Variants in RALYL observed in about 807,000 individuals in gnomAD.
RALYL encodes the protein RNA-binding Raly-like protein.
In RALYL, 29 loss-of-function variants were observed where a neutral mutation model predicts 35.1. The ratio of observed to expected loss-of-function variants is 0.83; its 90% CI spans 0.61 to 1.13. RALYL has a LOEUF of 1.13. Among genes scored for constraint, RALYL ranks in the 50% most tolerant of loss-of-function variants. RALYL has a pLI of 0.00. For synonymous variants in RALYL, 120 were observed against 127.6 expected (o/e 0.94, Z 0.40); for missense variants, 359 against 360.4 (o/e 1.00, Z 0.03).
At chr8:84,622,289 C>G (rs769234709) in intron 2 of RALYL, among the ~76,000 whole-genome samples, 1 of 152,064 alleles carries the variant, frequency 6.6e-6, no homozygotes, top group Admixed American at 6.5e-5. Context: ...GCATGAAGGG[C>G]TTGTTAAAAT....
chr8:84,352,100 A>C (rs1028347512), intron 1 of RALYL, among the ~76,000 whole-genome samples: 6 of 150,570 alleles, frequency 4.0e-5, no homozygotes, highest in African/African-American at 1.5e-4. Context: ...TGCCCAATTA[A>C]GAAATTTTTA....
chr8:84,448,163 A>G (rs1162369622), intron 1 of RALYL, among the ~76,000 whole-genome samples: 1 of 151,914 alleles, frequency 6.6e-6, no homozygotes, highest in Non-Finnish European at 1.5e-5. Context: ...GGCCTCTCAT[A>G]TTATCTTTAT....
chr8:84,311,781 C>A (rs1842867212), intron 1 of RALYL, among the ~76,000 whole-genome samples: 1 of 152,078 alleles, frequency 6.6e-6, no homozygotes, highest in South Asian at 2.1e-4. Flanking sequence ...TACAATATTT[C>A]AATCATTTAA....
chr8:84,452,868 T>C (rs968292048), intron 1 of RALYL, among the ~76,000 whole-genome samples: 1 of 151,968 alleles, frequency 6.6e-6, no homozygotes, highest in African/African-American at 2.4e-5. Flanking sequence ...TGTATATTTA[T>C]GATTAAGATG....
chr8:84,590,659 T>A (rs1813033468), intron 2 of RALYL, among the ~76,000 whole-genome samples: 1 of 152,200 alleles, frequency 6.6e-6, no homozygotes, highest in Non-Finnish European at 1.5e-5. Flanking sequence ...AATAGCATGT[T>A]AACAACCAGA....
intron 2 of RALYL, among the ~76,000 whole-genome samples, chr8:84,592,826 T>C (rs538993597): frequency 6.6e-6 from 1 of 152,174 alleles, no homozygotes; most frequent in South Asian, 2.1e-4. Flanking sequence ...TTAAATTTAT[T>C]AGTTCTGCCT....
chr8:84,427,228 G>A (rs1025532465), intron 1 of RALYL, among the ~76,000 whole-genome samples: 3 of 152,178 alleles, frequency 2.0e-5, no homozygotes, highest in African/African-American at 7.2e-5. Flanking sequence ...ATCATCGTTT[G>A]CCTCAGCTAT....
intron 1 of RALYL, among the ~76,000 whole-genome samples, chr8:84,432,002 A>C (rs1359923932): frequency 6.6e-6 from 1 of 152,164 alleles, no homozygotes; most frequent in Non-Finnish European, 1.5e-5. Context: ...ATTCTGTAGC[A>C]GCTATGGAAA....
intron 3 of RALYL, among the ~76,000 whole-genome samples, chr8:84,783,560 C>T (rs971615509): frequency 6.6e-6 from 1 of 152,102 alleles, no homozygotes; most frequent in African/African-American, 2.4e-5. Context: ...AGGTAATTGA[C>T]TTTATGCAAA....
Position 84,476,804 on chromosome 8 carries a change from A to G in RALYL, c.-23-52495A>G, listed in dbSNP as rs534832227. Among the ~76,000 whole-genome samples the G allele has an allele frequency of 2.0e-4, 31 of 152,338 alleles. No individual in the cohort carries two copies. In the East Asian group the frequency reaches 5.6e-3, roughly 27 times the overall value. ...CAGCAGATGCGGAAAGGAGCACAACATTAAGGAGAAGTTTTAATTCAATTG... is the reference window on the plus strand; with the variant it reads ...CAGCAGATGCGGAAAGGAGCACAACGTTAAGGAGAAGTTTTAATTCAATTG... On this transcript the variant is annotated intron_variant, in intron 1 of 8. Transcript: ENST00000521268.
At chr8:84,797,994 T>A (rs554600326) in intron 3 of RALYL, among the ~76,000 whole-genome samples, 1 of 152,184 alleles carries the variant, frequency 6.6e-6, no homozygotes, top group Admixed American at 6.5e-5. Flanking sequence ...CCAGAACAGA[T>A]CTTCTGCCCC....
chr8:84,543,026 G>T (rs2060120289), intron 2 of RALYL, among the ~76,000 whole-genome samples: 2 of 151,904 alleles, frequency 1.3e-5, no homozygotes, highest in African/African-American at 4.8e-5. Flanking sequence ...CTATATAATT[G>T]TACAGGTCTA....
intron 1 of RALYL, among the ~76,000 whole-genome samples, chr8:84,480,021 T>A (rs1399357145): frequency 6.6e-6 from 1 of 152,146 alleles, no homozygotes; most frequent in Non-Finnish European, 1.5e-5. Flanking sequence ...ATAGGCTAAT[T>A]TAATCTTGCT....
intron 5 of RALYL, among the ~76,000 whole-genome samples, chr8:84,856,504 G>A (rs146738320): frequency 4.1e-4 from 63 of 152,250 alleles, no homozygotes; most frequent in African/African-American, 1.5e-3. Flanking sequence ...AAGTATTTCC[G>A]TGTGATCCAA....
At chr8:84,306,237 G>A (rs1463900313) in intron 1 of RALYL, among the ~76,000 whole-genome samples, 2 of 151,888 alleles carry the variant, frequency 1.3e-5, no homozygotes, top group Non-Finnish European at 2.9e-5. Flanking sequence ...ATAAGTCTCA[G>A]GTACCTATGA....
At chr8:84,704,286 G>A (rs775916904) in intron 2 of RALYL, among the ~76,000 whole-genome samples, 7 of 151,966 alleles carry the variant, frequency 4.6e-5, no homozygotes, top group African/African-American at 9.7e-5. Flanking sequence ...TTAGCTGGGC[G>A]TGGTGGCAGG....
chr8:84,241,509 G>A (rs1827867280), intron 1 of RALYL, among the ~76,000 whole-genome samples: 1 of 151,986 alleles, frequency 6.6e-6, no homozygotes, highest in Admixed American at 6.6e-5. Flanking sequence ...CTGGCGCGGT[G>A]GCTCATGCCT....
chr8:84,375,033 C>T (rs1427939830), intron 1 of RALYL, among the ~76,000 whole-genome samples: 2 of 151,690 alleles, frequency 1.3e-5, no homozygotes, highest in African/African-American at 4.8e-5. Context: ...AAAATTTTTA[C>T]ATTTTTAATT....
At chr8:84,903,581 C>T (rs1846041329) in intron 8 of RALYL, among the ~76,000 whole-genome samples, 2 of 152,140 alleles carry the variant, frequency 1.3e-5, no homozygotes, top group African/African-American at 4.8e-5. Context: ...CAGGAGGTAA[C>T]TCCCATTGTT....
Sources: gnomAD v4.1 joint callset for allele counts (sites outside exome capture counted in the v4.1 genomes callset) on GRCh38, gnomAD v4.1.1 for gene constraint, MANE v1.5 for transcripts, NCBI Gene and HGNC (gene_info 2026-07-23, HGNC 2026-07-21) for gene names.